The following CLVS1 variants were observed in gnomAD, a reference collection of about 807,000 sequenced individuals.
The protein encoded by CLVS1 is clavesin 1, also known as clavesin-1.
Under a neutral mutation model 33.1 loss-of-function variants are expected in CLVS1, and 10 were observed. That is an observed-to-expected ratio of 0.30 (90% CI 0.19 to 0.51). CLVS1 has a LOEUF of 0.51. CLVS1 is among the 20% of genes least tolerant of loss of function. The pLI, the probability that CLVS1 is intolerant of heterozygous loss-of-function variation, is 0.97. For synonymous variants in CLVS1, 163 were observed against 166.1 expected (o/e 0.98, Z 0.14); for missense variants, 343 against 433.4 (o/e 0.79, Z 1.85).
At chr8:61,257,236 T>A (rs987947021) in intron 2 of CLVS1, among the ~76,000 whole-genome samples, 5 of 152,204 alleles carry the variant, frequency 3.3e-5, no homozygotes, top group African/African-American at 1.2e-4. Flanking sequence ...GACTTTTCTT[T>A]TGCAGCAACC....
At chr8:61,296,948 A>G (rs964113450) in intron 1 of CLVS1, among the ~76,000 whole-genome samples, 13 of 152,150 alleles carry the variant, frequency 8.5e-5, no homozygotes, top group Non-Finnish European at 1.6e-4. Flanking sequence ...GCAGTAGAAT[A>G]TTGTGTGGGA....
the CLVS1 span, among the ~76,000 whole-genome samples, chr8:61,048,343 G>A: frequency 6.6e-6 from 1 of 152,200 alleles, no homozygotes; most frequent in Non-Finnish European, 1.5e-5. Flanking sequence ...CACTGACAGT[G>A]CTCTTGTAAG....
At chr8:61,218,883 G>A (rs2978539) in intron 2 of CLVS1, among the ~76,000 whole-genome samples, 72,088 of 151,806 alleles carry the variant, frequency 0.47, 17,883 homozygotes, top group East Asian at 0.82. Flanking sequence ...GGTGGAGGCT[G>A]TAGTGAGCTG....
chr8:61,356,552 A>G (rs1812715944), intron 2 of CLVS1, among the ~76,000 whole-genome samples: 1 of 151,570 alleles, frequency 6.6e-6, no homozygotes, highest in South Asian at 2.1e-4. Context: ...TTTTAGGTCT[A>G]ACGTTTAAGT....
chr8:61,195,237 A>G (rs1807578948), intron 2 of CLVS1, among the ~76,000 whole-genome samples: 1 of 151,934 alleles, frequency 6.6e-6, no homozygotes. Context: ...AAGTTTTTTT[A>G]AAGACTGATA....
intron 2 of CLVS1, among the ~76,000 whole-genome samples, chr8:61,177,954 A>T (rs1195613240): frequency 6.6e-6 from 1 of 152,108 alleles, no homozygotes; most frequent in Non-Finnish European, 1.5e-5. Context: ...AATAATCACT[A>T]CACCTCTCCA....
chr8:61,355,853 G>A (rs1423692334), intron 2 of CLVS1, among the ~76,000 whole-genome samples: 1 of 152,162 alleles, frequency 6.6e-6, no homozygotes, highest in Non-Finnish European at 1.5e-5. Flanking sequence ...TTGCTATTGT[G>A]AATAGTGCCG....
At chr8:61,214,793 C>T (rs184155401) in intron 2 of CLVS1, among the ~76,000 whole-genome samples, 3 of 152,166 alleles carry the variant, frequency 2.0e-5, no homozygotes, top group Non-Finnish European at 4.4e-5. Context: ...TCCTTATGGG[C>T]AAAGAATGCA....
At chr8:61,195,507 T>TC (rs1321046752) in intron 2 of CLVS1, among the ~76,000 whole-genome samples, 1 of 152,058 alleles carries the variant, frequency 6.6e-6, no homozygotes, top group African/African-American at 2.4e-5. Context: ...GCTTTTTTTT[T>TC]CCCTATGATG....
the CLVS1 span, among the ~76,000 whole-genome samples, chr8:60,984,854 T>A: frequency 6.6e-6 from 1 of 152,260 alleles, no homozygotes; most frequent in African/African-American, 2.4e-5. Flanking sequence ...AGCTAGGAAG[T>A]GACAGAGCTG....
At chr8:61,342,010 T>C (rs1461305879) in intron 2 of CLVS1, among the ~76,000 whole-genome samples, 1 of 152,212 alleles carries the variant, frequency 6.6e-6, no homozygotes, top group Admixed American at 6.5e-5. Flanking sequence ...TTCTGAACTT[T>C]AGCTAGCCAT....
At chr8:61,079,992 A>C (rs1467881632) in intron 1 of CLVS1, among the ~76,000 whole-genome samples, 1 of 152,250 alleles carries the variant, frequency 6.6e-6, no homozygotes, top group Non-Finnish European at 1.5e-5. Context: ...TTGTTTCTAA[A>C]GAGGTGGAGG....
At chr8:61,339,940 A>G (rs1366430147) in intron 2 of CLVS1, among the ~76,000 whole-genome samples, 1 of 151,660 alleles carries the variant, frequency 6.6e-6, no homozygotes, top group Non-Finnish European at 1.5e-5. Context: ...AGATAAAAGA[A>G]AGAGAGGGGT....
chr8:61,317,202 G>A (rs1563492986), intron 2 of CLVS1, among the ~76,000 whole-genome samples: 3 of 152,154 alleles, frequency 2.0e-5, no homozygotes, highest in Admixed American at 2.0e-4. Context: ...TACGTTGTCT[G>A]GTGAGGGTTA....
chr8:60,967,353 T>C, the CLVS1 span, among the ~76,000 whole-genome samples: 1 of 152,134 alleles, frequency 6.6e-6, no homozygotes, highest in African/African-American at 2.4e-5. Flanking sequence ...CAAAGATGGC[T>C]GGTGAGGACA....
intron 2 of CLVS1, among the ~76,000 whole-genome samples, chr8:61,214,080 C>T (rs1345067225): frequency 2.0e-5 from 3 of 152,132 alleles, no homozygotes; most frequent in African/African-American, 7.2e-5. Flanking sequence ...GAGGAAATTC[C>T]CACCTAATAA....
chr8:61,218,065 G>T (rs1808130387), intron 2 of CLVS1, among the ~76,000 whole-genome samples: 2 of 151,974 alleles, frequency 1.3e-5, no homozygotes, highest in Admixed American at 1.3e-4. Flanking sequence ...ATGTAAACTA[G>T]AACAGCCACT....
At chr8:61,348,484 A>AAAT (rs889268263) in intron 2 of CLVS1, among the ~76,000 whole-genome samples, 1 of 152,104 alleles carries the variant, frequency 6.6e-6, no homozygotes, top group Non-Finnish European at 1.5e-5. Flanking sequence ...GTATAATAAA[A>AAAT]AATAATAATA....
intron 2 of CLVS1, chr8:61,274,119 C>T (rs1173802348): frequency 6.6e-6 from 1 of 152,198 alleles, no homozygotes; most frequent in Non-Finnish European, 1.5e-5. Context: ...TTAAAAATAA[C>T]ATTCAGAATA....
Sources: allele counts gnomAD v4.1 joint callset (sites outside exome capture counted in the v4.1 genomes callset), GRCh38; gene constraint gnomAD v4.1.1; transcripts MANE v1.5; gene names NCBI Gene and HGNC (gene_info 2026-07-23, HGNC 2026-07-21).